Variants in SULT1C3 observed in about 807,000 individuals in gnomAD.
SULT1C3 encodes sulfotransferase family 1C member 3.
Under a neutral mutation model 28.4 loss-of-function variants are expected in SULT1C3, and 31 were observed. The ratio of observed to expected loss-of-function variants is 1.09; its 90% CI spans 0.82 to 1.47. The LOEUF is 1.47. Ranked by LOEUF, SULT1C3 falls within the 40% of genes most tolerant of loss-of-function variation. SULT1C3 has a pLI of 0.00. For synonymous variants in SULT1C3, 106 were observed against 92.2 expected, an observed-to-expected ratio of 1.15 and a Z score of -0.86; for missense variants, 307 against 272.5, an observed-to-expected ratio of 1.13 and a Z score of -0.89.
At chr2:108,243,114 G>GT (rs1655582404) in intron 1 of SULT1C3, among the ~76,000 whole-genome samples, 3 of 152,246 alleles carry the variant, frequency 2.0e-5, no homozygotes, top group Non-Finnish European at 2.9e-5. Flanking sequence ...TGATTTAACC[G>GT]TGAGTGTGCA....
chr2:108,252,975 G>A (rs1675770089), intron 3 of SULT1C3, among the ~76,000 whole-genome samples: 1 of 151,762 alleles, frequency 6.6e-6, no homozygotes, highest in African/African-American at 2.4e-5. Flanking sequence ...ACCTCCTAGA[G>A]GTCTTTCTTT....
intron 5 of SULT1C3, among the ~76,000 whole-genome samples, chr2:108,257,789 C>G (rs1675913720): frequency 6.6e-6 from 1 of 152,030 alleles, no homozygotes; most frequent in South Asian, 2.1e-4. Context: ...TCTGTGGTTT[C>G]AGGCATCCGC....
intron 3 of SULT1C3, among the ~76,000 whole-genome samples, chr2:108,253,080 T>A (rs1046800861): frequency 6.6e-6 from 1 of 151,970 alleles, no homozygotes; most frequent in African/African-American, 2.4e-5. Context: ...ACCAGATATA[T>A]AACAAACATT....
rs761911563 is a variant in SULT1C3, at chr2:108,260,560, T to C, written c.803-8T>C. On this transcript the variant is annotated splice_polypyrimidine_tract_variant and splice_region_variant and intron_variant, in intron 7 of 7. Coordinates refer to ENST00000681802, the MANE Select transcript of SULT1C3 (RefSeq NM_001320878.2). ...GAGTCTGTCATGAACTTCTTTGATG[T>C]CCTACAGGGATGCCTGGAGACTGGA... 3 of 512,742 alleles carry C rather than the reference T, an allele frequency of 5.9e-6. No homozygotes were observed. Among genetic ancestry groups the C allele is most frequent in the Non-Finnish European group, 1.2e-5 (3 of 257,052 alleles). The allele number at this position is 512,742 out of a possible 1,614,324, so 31.8% of individuals were successfully genotyped here. A position where few individuals can be genotyped will look rare whatever the true frequency, so the allele number is the denominator to read the frequency against.
intron 1 of SULT1C3, among the ~76,000 whole-genome samples, chr2:108,245,477 T>A (rs1428377746): frequency 1.3e-5 from 2 of 152,188 alleles, no homozygotes; most frequent in Non-Finnish European, 2.9e-5. Flanking sequence ...CCTTTACTAA[T>A]TAAGCACTGT....
downstream of SULT1C3, among the ~76,000 whole-genome samples, chr2:108,261,006 A>G (rs188756556): frequency 6.6e-6 from 1 of 152,272 alleles, no homozygotes; most frequent in East Asian, 1.9e-4. Flanking sequence ...TGTGATCCCA[A>G]GTAGATTTCA....
intron 1 of SULT1C3, among the ~76,000 whole-genome samples, chr2:108,245,151 T>C (rs13386346): frequency 0.022 from 3,278 of 152,278 alleles, 142 homozygotes; most frequent in African/African-American, 0.076. Flanking sequence ...CTGGCACCCA[T>C]TTAAATGTGC....
intron 1 of SULT1C3, among the ~76,000 whole-genome samples, chr2:108,240,386 C>T (rs538477609): frequency 5.8e-4 from 88 of 152,274 alleles, no homozygotes; most frequent in African/African-American, 2.0e-3. Context: ...TCTTTAAATA[C>T]CTGTAACCCT....
rs554990710 is a variant in SULT1C3 at position 108,243,626 on chromosome 2, A to G, written c.-8+3543A>G. On this transcript the variant is annotated intron_variant, in intron 1 of 7. Transcript: ENST00000681802. ...AGGCTGGGTGACAGAGCAAGACTCTATCTCAAAAAAAAAAAAAAAGATATA... is the reference window on the plus strand; with the variant it reads ...AGGCTGGGTGACAGAGCAAGACTCTGTCTCAAAAAAAAAAAAAAAGATATA... Among the ~76,000 whole-genome samples the G allele has an allele frequency of 2.5e-3, 331 of 133,682 alleles. 1 individual carries two copies. The highest frequency in any genetic ancestry group is 0.019 in the Middle Eastern group (5 of 270). 87.7% of individuals were successfully genotyped at this position (133,682 alleles called of 152,430 possible). A position where few individuals can be genotyped will look rare whatever the true frequency, so the allele number is the denominator to read the frequency against.
Position 108,252,380 on chromosome 2 carries a change from A to G in SULT1C3, c.188A>G (p.His63Arg). 4 of 1,610,158 alleles carry G rather than the reference A, an allele frequency of 2.5e-6. No homozygotes were observed. Among genetic ancestry groups the G allele is most frequent in the Non-Finnish European group, 2.5e-6 (3 of 1,177,878 alleles). ...TYPKSGTTWM[H>R]EILDMILNDG... ...ATATTTTCAGGTACAACATGGATGC[A>G]TGAAATTTTAGACATGATTCTAAAT... The change falls in exon 3 of 8, where the codon CAT (histidine) becomes CGT (arginine). Residue 63 changes from histidine to arginine, a missense_variant. Physicochemically the swap from His to Arg is conservative, Grantham distance 29 (BLOSUM62 0). Coordinates refer to ENST00000681802, the MANE Select transcript of SULT1C3 (RefSeq NM_001320878.2).
intron 5 of SULT1C3, 66 bp downstream of exon 5, chr2:108,255,764 A>G (rs1435877262): frequency 1.3e-6 from 2 of 1,538,904 alleles, no homozygotes; most frequent in African/African-American, 1.4e-5. Flanking sequence ...ACCTCTGTAA[A>G]CTGGAGGAGA....
At chr2:108,257,228 A>T (rs1248913172) in intron 5 of SULT1C3, among the ~76,000 whole-genome samples, 1 of 151,946 alleles carries the variant, frequency 6.6e-6, no homozygotes. Context: ...GAGAAAAAAA[A>T]CTCAGGTTTC....
intron 1 of SULT1C3, among the ~76,000 whole-genome samples, 176 bp downstream of exon 1, chr2:108,240,259 T>A (rs1675436430): frequency 6.6e-6 from 1 of 152,356 alleles, no homozygotes; most frequent in Middle Eastern, 3.4e-3. Flanking sequence ...TCATGCATCT[T>A]CAGATGGTAT....
Position 108,255,616 on chromosome 2 carries a change from CT to C in SULT1C3, c.445del (p.Tyr149ThrfsTer16). 1 of 1,612,018 alleles carries C rather than the reference CT, an allele frequency of 6.2e-7. No homozygotes were observed. Among genetic ancestry groups the C allele is most frequent in the Non-Finnish European group, 8.5e-7 (1 of 1,178,576 alleles). Reference protein sequence around the residue: ...RNPKDCLVSYYHFHRMASFMP... With the variant: ...RNPKDCLVSYXHFHRMASFMP... ...ATCCCAAGGATTGCCTGGTGTCCTA[CT>C]ACCACTTTCACAGGATGGCTTCCTT... On this transcript the variant is annotated frameshift_variant, in exon 5 of 8. Coordinates refer to ENST00000681802, the MANE Select transcript of SULT1C3 (RefSeq NM_001320878.2). LOFTEE classifies it high-confidence loss of function.
intron 2 of SULT1C3, among the ~76,000 whole-genome samples, chr2:108,249,402 G>T (rs548436086): frequency 6.6e-6 from 1 of 151,814 alleles, no homozygotes; most frequent in African/African-American, 2.4e-5. Flanking sequence ...TAAATAAAAA[G>T]TTATATTAAA....
chr2:108,242,498 G>A (rs113031007), intron 1 of SULT1C3, among the ~76,000 whole-genome samples: 25 of 152,280 alleles, frequency 1.6e-4, no homozygotes, highest in Non-Finnish European at 1.2e-4. Context: ...TTTTTTAGTG[G>A]AGGGTGGGGA....
chr2:108,247,668 T>G (rs1037975902), intron 2 of SULT1C3, among the ~76,000 whole-genome samples: 2 of 152,190 alleles, frequency 1.3e-5, no homozygotes, highest in Non-Finnish European at 2.9e-5. Flanking sequence ...GACCTATGGC[T>G]TTTTTAAACA....
At position 108,243,063 on chromosome 2, in the gene SULT1C3, AGTAAC is replaced by A. The variant is rs753794866; in HGVS notation, c.-8+2981_-8+2985del. ...TTTTTGACTTTTCAATTTTACAAAA[AGTAAC>A]CTTACAGGTGAAACCAATGAGCCTT... On this transcript the variant is annotated intron_variant, in intron 1 of 7. Transcript: ENST00000681802. Among the ~76,000 whole-genome samples the A allele has an allele frequency of 1.8e-3, 266 of 151,952 alleles. 1 individual carries two copies. Among genetic ancestry groups the A allele is most frequent in the African/African-American group, 4.2e-3 (175 of 41,274 alleles).
downstream of SULT1C3, among the ~76,000 whole-genome samples, chr2:108,261,846 A>G (rs1676033130): frequency 6.6e-6 from 1 of 152,122 alleles, no homozygotes; most frequent in Non-Finnish European, 1.5e-5. Context: ...GCAAAGGGGA[A>G]ATGACATCCT....
Sources: gnomAD v4.1 joint callset for allele counts (sites outside exome capture counted in the v4.1 genomes callset) on GRCh38, gnomAD v4.1.1 for gene constraint, MANE v1.5 for transcripts, NCBI Gene and HGNC (gene_info 2026-07-23, HGNC 2026-07-21) for gene names.